Variants in C4BPB observed in about 807,000 individuals in gnomAD.
C4BPB encodes the protein complement component 4 binding protein beta, also known as C4b-binding protein beta chain.
In C4BPB, 19 loss-of-function variants were observed where a neutral mutation model predicts 26.6. The ratio of observed to expected loss-of-function variants is 0.71; its 90% CI spans 0.50 to 1.05. The LOEUF is 1.05. Among genes scored for constraint, C4BPB ranks in the 50% least tolerant of loss-of-function variants. C4BPB has a pLI of 0.00. For synonymous variants in C4BPB, 118 were observed against 103.5 expected, an observed-to-expected ratio of 1.14 and a Z score of -0.85; for missense variants, 282 against 302.9, an observed-to-expected ratio of 0.93 and a Z score of 0.51.
At chr1:207,095,454 C>G (rs1465446705) in intron 4 of C4BPB, 1 of 455,362 alleles carries the variant, frequency 2.2e-6, no homozygotes, top group Non-Finnish European at 4.4e-6. Flanking sequence ...CCTCAGCCTC[C>G]CAAGTAGCTG....
At chr1:207,097,394 G>A (rs1358769660) in intron 5 of C4BPB, among the ~76,000 whole-genome samples, 5 of 151,590 alleles carry the variant, frequency 3.3e-5, no homozygotes, top group Non-Finnish European at 5.9e-5. Context: ...TTAAGGTTTT[G>A]TAGAGACAGG....
chr1:207,089,613 A>G (rs1683943029), intron 2 of C4BPB, 24 bp downstream of exon 2: 1 of 1,609,362 alleles, frequency 6.2e-7, no homozygotes, highest in African/African-American at 1.3e-5. Flanking sequence ...CCTTCAACTC[A>G]GCTTACAGGC....
chr1:207,089,564 T>A lies in C4BPB; in HGVS notation c.33T>A (p.Val11=). ...TTTGGTGTGCGTGCTGTCTTATGGT[T>A]GCGTGGCGAGTTTCTGCTTCAGATG... MFFWCACCLM[V]AWRVSASDAE... is the part of the protein sequence containing the mutation. Residue 11 remains valine (V), a synonymous_variant, in exon 2 of 7, where the codon GTT becomes GTA. Transcript: ENST00000367078. 1 of 1,614,164 alleles carries A rather than the reference T, an allele frequency of 6.2e-7. No homozygotes were observed.
intron 2 of C4BPB, 61 bp from the exon 3 acceptor site, chr1:207,090,247 A>C (rs1683971552): frequency 7.6e-6 from 10 of 1,312,232 alleles, no homozygotes; most frequent in Non-Finnish European, 1.1e-5. Context: ...GGGGAAATCT[A>C]ATAAGGGTTC....
Position 207,096,538 on chromosome 1 carries a change from T to C in C4BPB, c.426T>C (p.Pro142=), listed in dbSNP as rs745879681. 4.4e-6 allele frequency: 7 copies of C among 1,607,386 alleles called. No individual in the cohort carries two copies. The Middle Eastern group carries it at 5.0e-4, about 114-fold the overall frequency. ...PICKSRDCDP[P]GNPVHGYFEG... ...TTCTCTCAGGGGACTGTGACCCTCC[T>C]GGGAATCCAGTTCATGGCTATTTTG... The change falls in exon 5 of 7, where the codon CCT becomes CCC. Residue 142 remains proline (P), a synonymous_variant. Coordinates refer to ENST00000367078, the MANE Select transcript of C4BPB (RefSeq NM_001017365.3).
intron 5 of C4BPB, among the ~76,000 whole-genome samples, chr1:207,097,291 C>A (rs2102314685): frequency 6.6e-6 from 1 of 152,148 alleles, no homozygotes; most frequent in Admixed American, 6.5e-5. Context: ...TAGCTCACTG[C>A]AACCTCTGCC....
intron 6 of C4BPB, among the ~76,000 whole-genome samples, chr1:207,099,565 T>C (rs914692872): frequency 2.0e-5 from 3 of 152,172 alleles, no homozygotes; most frequent in Non-Finnish European, 2.9e-5. Context: ...CCATTTTCAT[T>C]GAGATTCTTC....
At chr1:207,096,339 A>C in intron 4 of C4BPB, 183 bp from the exon 5 acceptor site, 2 of 600,750 alleles carry the variant, frequency 3.3e-6, no homozygotes, top group East Asian at 5.9e-5. Flanking sequence ...GATTTAGAAG[A>C]GAAGGAAATG....
rs369678665 is a variant in C4BPB, at chr1:207,090,391, G to A, written c.142G>A (p.Val48Ile). The change falls in exon 3 of 7, where the codon GTT becomes ATT. Residue 48 changes from valine (V) to isoleucine (I), a missense_variant. Val to Ile is a conservative substitution (Grantham distance 29, BLOSUM62 3). Coordinates refer to ENST00000367078, the MANE Select transcript of C4BPB (RefSeq NM_001017365.3). ...EVEGQILGTY[V>I]CIKGYHLVGK... The stretch of plus-strand genomic sequence containing the variant: ...GGAAGGACAGATTCTGGGGACTTAC[G>A]TTTGTATCAAGGGCTACCACCTGGT... 2.5e-6 allele frequency: 4 copies of A among 1,613,942 alleles called. No individual in the cohort carries two copies. The highest frequency in any genetic ancestry group is 2.5e-6 in the Non-Finnish European group (3 of 1,179,924).
intron 3 of C4BPB, 21 bp from the exon 4 acceptor site, chr1:207,091,623 A>G (rs1419023711): frequency 1.2e-6 from 2 of 1,604,658 alleles, no homozygotes; most frequent in African/African-American, 1.3e-5. Context: ...CTTTCAGCTT[A>G]TTGCTTATTT....
At chr1:207,091,523 TA>T in intron 3 of C4BPB, 120 bp from the exon 4 acceptor site, 1 of 713,780 alleles carries the variant, frequency 1.4e-6, no homozygotes, top group Non-Finnish European at 2.4e-6. Context: ...TTCACTCAAT[TA>T]AAAATGTGCA....
In C4BPB at chr1:207,088,891, G is replaced by C. The variant is rs1326179899; in HGVS notation, c.-106G>C. On this transcript the variant is annotated 5_prime_UTR_variant, in exon 1 of 7. Transcript: ENST00000367078. ...GGACTTTGGAGCTCTCAGCTTTGGA[G>C]TCAGTTAAGACCAGTTCCTTGCTGG... 6.6e-6 allele frequency: 1 copy of C among 152,414 alleles called. No homozygotes were observed. Among genetic ancestry groups the C allele is most frequent in the East Asian group, 1.9e-4 (1 of 5,194 alleles). 9.4% of individuals were successfully genotyped at this position (152,414 alleles called of 1,614,324 possible). A position where few individuals can be genotyped will look rare whatever the true frequency, so the allele number is the denominator to read the frequency against.
At chr1:207,089,872 G>A (rs1344673867) in intron 2 of C4BPB, among the ~76,000 whole-genome samples, 1 of 152,154 alleles carries the variant, frequency 6.6e-6, no homozygotes, top group Non-Finnish European at 1.5e-5. Flanking sequence ...GGTCTTACTT[G>A]TTATAAACTC....
At chr1:207,095,450 C>T (rs1345388860) in intron 4 of C4BPB, 2 of 455,460 alleles carry the variant, frequency 4.4e-6, no homozygotes, top group African/African-American at 2.0e-5. Context: ...CATGCCTCAG[C>T]CTCCCAAGTA....
chr1:207,090,658 T>A (rs1168171915), intron 3 of C4BPB, among the ~76,000 whole-genome samples, 177 bp downstream of exon 3: 1 of 152,226 alleles, frequency 6.6e-6, no homozygotes, highest in Non-Finnish European at 1.5e-5. Flanking sequence ...TATGATCAGA[T>A]CTTGATCAGT....
intron 4 of C4BPB, chr1:207,095,626 CCTT>C: frequency 2.9e-6 from 1 of 343,882 alleles, no homozygotes; most frequent in Non-Finnish European, 5.7e-6. Context: ...ACTGCTCCCA[CCTT>C]CTCCCCTTTT....
At chr1:207,089,902 G>A (rs954580954) in intron 2 of C4BPB, among the ~76,000 whole-genome samples, 2 of 152,184 alleles carry the variant, frequency 1.3e-5, no homozygotes, top group Non-Finnish European at 2.9e-5. Flanking sequence ...TATTTGTGTA[G>A]GGGACTATTT....
Position 207,099,818 on chromosome 1 carries a change from C to T in C4BPB, c.648C>T (p.Cys216=), listed in dbSNP as rs145016760. 24 of 1,613,454 alleles carry T rather than the reference C, an allele frequency of 1.5e-5. No homozygotes were observed. The highest frequency in any genetic ancestry group is 5.3e-5 in the African/African-American group (4 of 74,866). The change falls in exon 7 of 7, where the codon TGC becomes TGT. Residue 216 remains cysteine (C), a synonymous_variant. Coordinates refer to ENST00000367078, the MANE Select transcript of C4BPB (RefSeq NM_001017365.3). ...LLAFQESKNL[C]EAMENFMQQL... Reference sequence around the variant, plus strand: ...CCTTTCAGGAGAGTAAGAACCTCTGCGAAGCCATGGAGAACTTTATGCAAC... The same window carrying T: ...CCTTTCAGGAGAGTAAGAACCTCTGTGAAGCCATGGAGAACTTTATGCAAC...
At position 207,098,257 on chromosome 1, in the gene C4BPB, AG is replaced by A; in HGVS notation, c.613del (p.Ala205HisfsTer22). 1 of 1,598,048 alleles carries A rather than the reference AG, an allele frequency of 6.3e-7. No individual in the cohort carries two copies. The highest frequency in any genetic ancestry group is 1.1e-5 in the South Asian group (1 of 90,778). ...GAAGCTCCCAAACCAGAGTGTGAGAAGGCACTTGTAAGTAGGAGGCTCATAT... is the reference window on the plus strand; with the variant it reads ...GAAGCTCCCAAACCAGAGTGTGAGAAGCACTTGTAAGTAGGAGGCTCATAT... ...IQEAPKPECE[K>X]ALLAFQESKN... On this transcript the variant is annotated frameshift_variant, in exon 6 of 7. Transcript: ENST00000367078. LOFTEE classifies it low-confidence loss of function (END_TRUNC).
Sources: allele counts gnomAD v4.1 joint callset (sites outside exome capture counted in the v4.1 genomes callset), GRCh38; gene constraint gnomAD v4.1.1; transcripts MANE v1.5; gene names NCBI Gene and HGNC (gene_info 2026-07-23, HGNC 2026-07-21).